The following MACO1 variants were observed in gnomAD, a reference collection of about 807,000 sequenced individuals.
MACO1 encodes macoilin 1, also known as macoilin.
A neutral mutation model predicts 78.7 loss-of-function variants in MACO1; 14 were observed. The ratio of observed to expected loss-of-function variants is 0.18; its 90% CI spans 0.12 to 0.28. MACO1 has a LOEUF of 0.28. MACO1 is among the 10% of genes least tolerant of loss of function. MACO1 has a pLI of 1.00. For missense variants in MACO1, 501 were observed against 799.0 expected (o/e 0.63, Z 4.50); for synonymous variants, 288 against 291.6 (o/e 0.99, Z 0.12).
At position 25,441,407 on chromosome 1, in the gene MACO1, A is replaced by C. The variant is rs1571951448; in HGVS notation, c.81-5355A>C. ...ACCATGTTGGCCAGGCTGGTCTCGA[A>C]CTCCTGACTTCAGGTCATCCACCCG... On this transcript the variant is annotated intron_variant, in intron 1 of 10. Transcript: ENST00000374343. Among the ~76,000 whole-genome samples the C allele has an allele frequency of 2.0e-5, 3 of 151,568 alleles. No homozygotes were observed. The South Asian group carries it at 6.2e-4, about 31-fold the overall frequency.
intron 6 of MACO1, among the ~76,000 whole-genome samples, chr1:25,463,179 T>C (rs1307403268): frequency 6.6e-6 from 1 of 152,192 alleles, no homozygotes; most frequent in Non-Finnish European, 1.5e-5. Flanking sequence ...AATATCTCTC[T>C]ACAAAAATAG....
At chr1:25,479,439 A>C (rs2043350804) in intron 6 of MACO1, among the ~76,000 whole-genome samples, 1 of 151,790 alleles carries the variant, frequency 6.6e-6, no homozygotes, top group Non-Finnish European at 1.5e-5. Context: ...TTTGAAATGG[A>C]GTCTCTCTCT....
At chr1:25,453,254 C>T (rs1210338780) in intron 3 of MACO1, among the ~76,000 whole-genome samples, 1 of 151,640 alleles carries the variant, frequency 6.6e-6, no homozygotes, top group Non-Finnish European at 1.5e-5. Flanking sequence ...ATCCGCCCTC[C>T]TCGGCCTCCC....
chr1:25,476,359 G>C (rs1331367669), intron 6 of MACO1, among the ~76,000 whole-genome samples: 1 of 152,172 alleles, frequency 6.6e-6, no homozygotes, highest in African/African-American at 2.4e-5. Flanking sequence ...TCAAGCTCTT[G>C]CTTGTTTTTG....
rs1234261425 is a variant in MACO1 at position 25,441,195 on chromosome 1, A to AT, written c.81-5555dup. 9.9e-3 allele frequency among the ~76,000 whole-genome samples: 1,432 copies of AT among 145,260 alleles called. 25 individuals are homozygous for AT. The highest frequency in any genetic ancestry group is 0.033 in the African/African-American group (1,316 of 39,788). On this transcript the variant is annotated intron_variant, in intron 1 of 10. Transcript: ENST00000374343. ...CTACATTACAGATCATTCATTCAAC[A>AT]TTTTTTTTTTTTGAGACGGAGTTTT... is the stretch of plus-strand genomic sequence containing the variant.
At chr1:25,454,189 C>G (rs2043094195) in intron 3 of MACO1, 70 bp from the exon 4 acceptor site, 1 of 1,399,340 alleles carries the variant, frequency 7.1e-7, no homozygotes, top group Non-Finnish European at 9.4e-7. Context: ...TCAAATTAGT[C>G]TCCCAAACAA....
At chr1:25,467,156 GC>G (rs2043226549) in intron 6 of MACO1, among the ~76,000 whole-genome samples, 1 of 152,134 alleles carries the variant, frequency 6.6e-6, no homozygotes, top group African/African-American at 2.4e-5. Flanking sequence ...TACTTGGGAA[GC>G]TGACGCAGGA....
intron 3 of MACO1, among the ~76,000 whole-genome samples, chr1:25,451,027 G>A (rs2043060419): frequency 6.6e-6 from 1 of 152,202 alleles, no homozygotes. Flanking sequence ...TAGTTCAGTG[G>A]TTGACCCACA....
At chr1:25,490,778 A>C (rs1056943952) in intron 9 of MACO1, among the ~76,000 whole-genome samples, 1 of 152,098 alleles carries the variant, frequency 6.6e-6, no homozygotes, top group Admixed American at 6.5e-5. Context: ...ACTATGTACA[A>C]AACTGTACAT....
At chr1:25,454,877 A>G (rs1395484126) in intron 4 of MACO1, among the ~76,000 whole-genome samples, 1 of 152,186 alleles carries the variant, frequency 6.6e-6, no homozygotes, top group Non-Finnish European at 1.5e-5. Flanking sequence ...GGATCCAGAA[A>G]GCAGTACAGC....
intron 1 of MACO1, among the ~76,000 whole-genome samples, chr1:25,445,548 T>C (rs1322479364): frequency 3.3e-5 from 5 of 151,636 alleles, no homozygotes; most frequent in Non-Finnish European, 7.4e-5. Flanking sequence ...TGGATCCTAC[T>C]TTTTTTTTCT....
intron 6 of MACO1, among the ~76,000 whole-genome samples, chr1:25,482,786 C>A (rs927204380): frequency 2.6e-5 from 4 of 152,174 alleles, no homozygotes; most frequent in African/African-American, 9.7e-5. Context: ...TAGAGTTCTT[C>A]ATCTGTAAAA....
At chr1:25,436,310 A>G (rs2042918615) in intron 1 of MACO1, among the ~76,000 whole-genome samples, 1 of 96,198 alleles carries the variant, frequency 1.0e-5, no homozygotes, top group African/African-American at 6.0e-5. Context: ...TTTTATGTAT[A>G]TAAAGTGCAC....
At chr1:25,459,225 A>G (rs548305479) in intron 6 of MACO1, among the ~76,000 whole-genome samples, 8 of 151,708 alleles carry the variant, frequency 5.3e-5, no homozygotes, top group African/African-American at 1.7e-4. Flanking sequence ...GCGTAAACAC[A>G]AAAAGAAGAG....
intron 5 of MACO1, among the ~76,000 whole-genome samples, chr1:25,457,777 G>A (rs1447258349): frequency 1.3e-5 from 2 of 152,082 alleles, no homozygotes; most frequent in African/African-American, 2.4e-5. Flanking sequence ...GTGATGTGGT[G>A]CAAAAATATC....
At chr1:25,475,245 T>C (rs1371935371) in intron 6 of MACO1, among the ~76,000 whole-genome samples, 2 of 152,054 alleles carry the variant, frequency 1.3e-5, no homozygotes, top group Non-Finnish European at 2.9e-5. Context: ...CTCGGGAGGC[T>C]GAGGCAGGAG....
chr1:25,433,461 TCAA>T (rs1466157034), intron 1 of MACO1, among the ~76,000 whole-genome samples: 1 of 152,222 alleles, frequency 6.6e-6, no homozygotes, highest in African/African-American at 2.4e-5. Context: ...ATTTTGTTTC[TCAA>T]CAACATGTGG....
At chr1:25,466,198 A>G (rs761095493) in intron 6 of MACO1, among the ~76,000 whole-genome samples, 2 of 152,242 alleles carry the variant, frequency 1.3e-5, no homozygotes, top group African/African-American at 2.4e-5. Context: ...ACTGTTTGCC[A>G]TAGAAGTTGA....
intron 6 of MACO1, among the ~76,000 whole-genome samples, chr1:25,469,570 A>T (rs969489144): frequency 2.0e-5 from 3 of 151,272 alleles, no homozygotes; most frequent in African/African-American, 7.3e-5. Flanking sequence ...ACAGACTTTC[A>T]TACTTCTGAA....
Sources: gnomAD v4.1 joint callset for allele counts (sites outside exome capture counted in the v4.1 genomes callset) on GRCh38, gnomAD v4.1.1 for gene constraint, MANE v1.5 for transcripts, NCBI Gene and HGNC (gene_info 2026-07-23, HGNC 2026-07-21) for gene names.